Variants in RANBP2 observed in about 807,000 individuals in gnomAD.
RANBP2 encodes RAN binding protein 2.
RANBP2 carries 57 observed loss-of-function variants against 303.6 expected under a neutral mutation model. That is an observed-to-expected ratio of 0.19 (90% CI 0.15 to 0.23). The LOEUF (loss-of-function observed/expected upper bound fraction) is 0.23, where lower values mean the gene tolerates loss of function less well. RANBP2 is among the 10% of genes least tolerant of loss of function. RANBP2 has a pLI of 1.00. For synonymous variants in RANBP2, 1,167 were observed against 1,301.5 expected (o/e 0.90, Z 2.23); for missense variants, 3,138 against 3,780.8 (o/e 0.83, Z 4.46).
chr2:108,906,085 G>A, the RANBP2 span, among the ~76,000 whole-genome samples: 1 of 150,054 alleles, frequency 6.7e-6, no homozygotes, highest in Non-Finnish European at 1.5e-5. Context: ...CGCCCCATGA[G>A]GGGAAGGCCC....
chr2:109,273,483 C>T, the RANBP2 span, among the ~76,000 whole-genome samples: 1 of 152,304 alleles, frequency 6.6e-6, no homozygotes, highest in Middle Eastern at 3.4e-3. Context: ...AACTGAGAGC[C>T]TGCAGCATGT....
At chr2:108,823,860 C>A in the RANBP2 span, among the ~76,000 whole-genome samples, 1 of 152,034 alleles carries the variant, frequency 6.6e-6, no homozygotes, top group African/African-American at 2.4e-5. Context: ...ATCTGTAATC[C>A]CAGCTACTCG....
At chr2:108,780,960 C>G (rs948894294) in intron 25 of RANBP2, among the ~76,000 whole-genome samples, 1 of 152,068 alleles carries the variant, frequency 6.6e-6, no homozygotes, top group East Asian at 1.9e-4. Context: ...GCGCTCACCT[C>G]GGCCTCACAA....
chr2:109,107,317 A>G, the RANBP2 span, among the ~76,000 whole-genome samples: 1 of 151,984 alleles, frequency 6.6e-6, no homozygotes, highest in Non-Finnish European at 1.5e-5. Context: ...GCTCAGGGAT[A>G]AGTACAGGTC....
At chr2:109,317,596 A>G in the RANBP2 span, among the ~76,000 whole-genome samples, 40,566 of 152,064 alleles carry the variant, frequency 0.27, 6,073 homozygotes, top group East Asian at 0.65. Flanking sequence ...AGAACAGTCA[A>G]AGTCCACCTT....
chr2:109,238,447 ATTTGTGTGTG>A, the RANBP2 span, among the ~76,000 whole-genome samples: 1 of 119,900 alleles, frequency 8.3e-6, no homozygotes, highest in Non-Finnish European at 1.7e-5. Flanking sequence ...TGTTATGTAT[ATTTGTGTGTG>A]TGTGTGTGTG....
the RANBP2 span, among the ~76,000 whole-genome samples, chr2:109,509,469 C>A: frequency 6.6e-6 from 1 of 152,022 alleles, no homozygotes; most frequent in Non-Finnish European, 1.5e-5. Flanking sequence ...GCTTGCACAC[C>A]GCCGTCTCCT....
chr2:109,672,579 C>T, the RANBP2 span, among the ~76,000 whole-genome samples: 58 of 152,238 alleles, frequency 3.8e-4, no homozygotes, highest in Non-Finnish European at 5.0e-4. Flanking sequence ...CCTAGTGTTA[C>T]GTATTATTAC....
chr2:108,917,916 C>T, the RANBP2 span, among the ~76,000 whole-genome samples: 1 of 151,976 alleles, frequency 6.6e-6, no homozygotes, highest in Non-Finnish European at 1.5e-5. Flanking sequence ...TGCTGTTTTC[C>T]AGGCGAGTCA....
chr2:109,171,105 A>C, the RANBP2 span, among the ~76,000 whole-genome samples: 7,284 of 152,224 alleles, frequency 0.048, 459 homozygotes, highest in East Asian at 0.32. Context: ...TGTGTGACTT[A>C]TCTCTTCCTC....
chr2:109,728,037 T>C, the RANBP2 span, among the ~76,000 whole-genome samples: 1 of 152,144 alleles, frequency 6.6e-6, no homozygotes, highest in African/African-American at 2.4e-5. Flanking sequence ...GGCCAAGCCA[T>C]GAACCTACCA....
chr2:108,853,883 AT>A, the RANBP2 span, among the ~76,000 whole-genome samples: 2 of 124,012 alleles, frequency 1.6e-5, no homozygotes, highest in East Asian at 2.1e-4. Context: ...TATATAATAT[AT>A]TATATAGTAT....
At chr2:109,615,722 G>T in the RANBP2 span, 1 of 1,613,856 alleles carries the variant, frequency 6.2e-7, no homozygotes, top group Non-Finnish European at 8.5e-7. Flanking sequence ...GCGGCGGCGG[G>T]CGCTGGAGGC....
the RANBP2 span, chr2:108,910,897 A>T: frequency 4.3e-6 from 7 of 1,613,652 alleles, no homozygotes; most frequent in South Asian, 7.7e-5. Flanking sequence ...CGACAGGGGG[A>T]GTTGACGGAG....
At chr2:109,334,544 A>G in the RANBP2 span, among the ~76,000 whole-genome samples, 1 of 152,128 alleles carries the variant, frequency 6.6e-6, no homozygotes, top group Non-Finnish European at 1.5e-5. Flanking sequence ...GCCAGCCAGC[A>G]GGGGAACCCT....
the RANBP2 span, chr2:109,565,939 G>A: frequency 5.6e-6 from 7 of 1,245,776 alleles, no homozygotes; most frequent in Middle Eastern, 1.9e-4. Context: ...TGAGAGAGAA[G>A]AGAATAATTA....
chr2:109,183,755 C>G, the RANBP2 span, among the ~76,000 whole-genome samples: 1 of 152,190 alleles, frequency 6.6e-6, no homozygotes, highest in African/African-American at 2.4e-5. Context: ...GCAGCTCGGT[C>G]AGGTCAGGAA....
At chr2:109,409,025 A>AG in the RANBP2 span, among the ~76,000 whole-genome samples, 3 of 152,232 alleles carry the variant, frequency 2.0e-5, no homozygotes, top group Non-Finnish European at 2.9e-5. Context: ...TAGGCGAGAA[A>AG]GGGGTCCTAT....
At chr2:109,707,056 A>G in the RANBP2 span, among the ~76,000 whole-genome samples, 2 of 152,204 alleles carry the variant, frequency 1.3e-5, no homozygotes, top group African/African-American at 2.4e-5. Context: ...GAGATATTAC[A>G]TCTTACTCTA....
Sources: gnomAD v4.1 joint callset for allele counts (sites outside exome capture counted in the v4.1 genomes callset) on GRCh38, gnomAD v4.1.1 for gene constraint, MANE v1.5 for transcripts, NCBI Gene and HGNC (gene_info 2026-07-23, HGNC 2026-07-21) for gene names.